Variants in UBE2J1 observed in about 807,000 individuals in gnomAD.
The protein encoded by UBE2J1 is ubiquitin-conjugating enzyme E2 J1.
In UBE2J1, 17 loss-of-function variants were observed where a neutral mutation model predicts 42.1. The observed-to-expected ratio is 0.40, with a 90% CI of 0.28 to 0.61. The LOEUF is 0.61. Ranked by LOEUF, UBE2J1 falls within the 20% of genes least tolerant of loss-of-function variation. The probability of loss-of-function intolerance (pLI) is 0.38; values close to 1 mark genes in which losing one functional copy is unlikely to be tolerated. For synonymous variants in UBE2J1, 127 were observed against 137.2 expected, an observed-to-expected ratio of 0.93 and a Z score of 0.52; for missense variants, 291 against 389.4, an observed-to-expected ratio of 0.75 and a Z score of 2.13.
At chr6:89,349,568 G>C (rs1768427753) in intron 1 of UBE2J1, among the ~76,000 whole-genome samples, 1 of 152,284 alleles carries the variant, frequency 6.6e-6, no homozygotes, top group South Asian at 2.1e-4. Context: ...TGAAATACTA[G>C]GGTAAACTGC....
chr6:89,339,465 AGAGGG>A (rs1768189012), intron 3 of UBE2J1, among the ~76,000 whole-genome samples: 2 of 8,114 alleles, frequency 2.5e-4, no homozygotes, highest in African/African-American at 6.0e-4. Context: ...GGAGGGGAGG[AGAGGG>A]GGGGAGGGGG....
chr6:89,348,975 C>T (rs1768413637), intron 1 of UBE2J1, among the ~76,000 whole-genome samples: 1 of 152,204 alleles, frequency 6.6e-6, no homozygotes, highest in African/African-American at 2.4e-5. Flanking sequence ...GTGGCTCTCA[C>T]CTGTAATCTC....
Position 89,328,084 on chromosome 6 carries a change from C to T in UBE2J1, c.*1595G>A, listed in dbSNP as rs551372913. 1 of 151,898 alleles carries T rather than the reference C, an allele frequency of 6.6e-6. No individual in the cohort carries two copies. The highest frequency in any genetic ancestry group is 2.4e-5 in the African/African-American group (1 of 41,318). The allele number at this position is 151,898 out of a possible 1,614,324, so 9.4% of individuals were successfully genotyped here. On this transcript the variant is annotated 3_prime_UTR_variant, in exon 8 of 8. Transcript: ENST00000435041. Reference sequence around the variant, plus strand: ...ATAATCTGTAAACACCTTTAAAATGCGAATTTATTAAAGTTTAAGACAATT... The same window carrying T: ...ATAATCTGTAAACACCTTTAAAATGTGAATTTATTAAAGTTTAAGACAATT...
In UBE2J1 at chr6:89,352,671, C is replaced by T. The variant is rs1768511664; in HGVS notation, c.-102G>A. 3 of 1,333,144 alleles carry T rather than the reference C, an allele frequency of 2.3e-6. No homozygotes were observed. The highest frequency in any genetic ancestry group is 3.1e-5 in the East Asian group (1 of 32,754). The allele number at this position is 1,333,144 out of a possible 1,614,324, so 82.6% of individuals were successfully genotyped here. A position where few individuals can be genotyped will look rare whatever the true frequency, so the allele number is the denominator to read the frequency against. ...CGCGGCTCGGGCGGACGGGGCCTGGCCGAGGAGCCTCGGCAAATGCCGCCC... is the reference window on the plus strand; with the variant it reads ...CGCGGCTCGGGCGGACGGGGCCTGGTCGAGGAGCCTCGGCAAATGCCGCCC... On this transcript the variant is annotated 5_prime_UTR_variant, in exon 1 of 8. Coordinates refer to ENST00000435041, the MANE Select transcript of UBE2J1 (RefSeq NM_016021.3).
In UBE2J1 at chr6:89,343,729, G is replaced by T; in HGVS notation, c.59C>A (p.Ala20Glu). 6.2e-7 allele frequency: 1 copy of T among 1,609,464 alleles called. No individual in the cohort carries two copies. The highest frequency in any genetic ancestry group is 8.5e-7 in the Non-Finnish European group (1 of 1,177,934). Reference protein sequence around the residue: ...PAVKRLMKEAAELKDPTDHYH... With the variant: ...PAVKRLMKEAEELKDPTDHYH... ...ATGATCTGTTGGATCTTTCAATTCTGCCGCTTCTTTCATTAAACGTTTAAC... is the reference window on the plus strand; with the variant it reads ...ATGATCTGTTGGATCTTTCAATTCTTCCGCTTCTTTCATTAAACGTTTAAC... The change falls in exon 2 of 8, where the codon GCA (alanine) becomes GAA (glutamate). Residue 20 changes from alanine (A) to glutamate (E), a missense_variant. Coordinates refer to ENST00000435041, the MANE Select transcript of UBE2J1 (RefSeq NM_016021.3).
In UBE2J1 at chr6:89,327,579, C is replaced by T. The variant is rs1452241821; in HGVS notation, c.*2100G>A. 1 of 152,210 alleles carries T rather than the reference C, an allele frequency of 6.6e-6. No homozygotes were observed. Among genetic ancestry groups the T allele is most frequent in the Non-Finnish European group, 1.5e-5 (1 of 68,074 alleles). 9.4% of individuals were successfully genotyped at this position (152,210 alleles called of 1,614,324 possible). A position where few individuals can be genotyped will look rare whatever the true frequency, so the allele number is the denominator to read the frequency against. ...GTGCTAAAAAATATCCCAACACAAA[C>T]AAGCAGGTGGCTAGCTGACAGGTGG... On this transcript the variant is annotated 3_prime_UTR_variant, in exon 8 of 8. Coordinates refer to ENST00000435041, the MANE Select transcript of UBE2J1 (RefSeq NM_016021.3).
At chr6:89,352,480 C>T in intron 1 of UBE2J1, 59 bp downstream of exon 1, 1 of 1,509,528 alleles carries the variant, frequency 6.6e-7, no homozygotes, top group Non-Finnish European at 8.9e-7. Flanking sequence ...GAGGCGGCGA[C>T]CACCCCGGGG....
intron 3 of UBE2J1, among the ~76,000 whole-genome samples, chr6:89,342,008 A>G (rs144295124): frequency 6.6e-6 from 1 of 152,302 alleles, no homozygotes; most frequent in Non-Finnish European, 1.5e-5. Flanking sequence ...ACAAGGTACA[A>G]TAACATTAGC....
At chr6:89,348,904 G>A (rs1038354408) in intron 1 of UBE2J1, among the ~76,000 whole-genome samples, 1 of 152,192 alleles carries the variant, frequency 6.6e-6, no homozygotes, top group Non-Finnish European at 1.5e-5. Flanking sequence ...AGTGAGAAAA[G>A]CTACTCCAGC....
At position 89,327,805 on chromosome 6, in the gene UBE2J1, A is replaced by C. The variant is rs1767936059; in HGVS notation, c.*1874T>G. 6.6e-6 allele frequency: 1 copy of C among 152,218 alleles called. No individual in the cohort carries two copies. Among genetic ancestry groups the C allele is most frequent in the Non-Finnish European group, 1.5e-5 (1 of 68,044 alleles). The allele number at this position is 152,218 out of a possible 1,614,324, so 9.4% of individuals were successfully genotyped here. On this transcript the variant is annotated 3_prime_UTR_variant, in exon 8 of 8. Coordinates refer to ENST00000435041, the MANE Select transcript of UBE2J1 (RefSeq NM_016021.3). ...ACGGAGGGAAGGCTGTTCCTAGCAC[A>C]CAATCTCAGCAGAGGTTGAGGTGGT...
rs1483201998 is a variant in UBE2J1 at position 89,328,021 on chromosome 6, T to G, written c.*1658A>C. 1 of 152,196 alleles carries G rather than the reference T, an allele frequency of 6.6e-6. No individual in the cohort carries two copies. Among genetic ancestry groups the G allele is most frequent in the East Asian group, 1.9e-4 (1 of 5,200 alleles). The allele number at this position is 152,196 out of a possible 1,614,324, so 9.4% of individuals were successfully genotyped here. On this transcript the variant is annotated 3_prime_UTR_variant, in exon 8 of 8. Coordinates refer to ENST00000435041, the MANE Select transcript of UBE2J1 (RefSeq NM_016021.3). ...TGAGATCTTCATAAAGTCCTTGAGC[T>G]TTTTAGACTTTAACAAATTCAGCTA...
Position 89,328,398 on chromosome 6 carries a change from T to C in UBE2J1, c.*1281A>G, listed in dbSNP as rs1014946615. The C allele has an allele frequency of 1.3e-5, 2 of 152,206 alleles. No homozygotes were observed. The highest frequency in any genetic ancestry group is 2.9e-5 in the Non-Finnish European group (2 of 68,040). 9.4% of individuals were successfully genotyped at this position (152,206 alleles called of 1,614,324 possible). ...GACCGATCTAGAACCTAAATACCAC[T>C]TCCAACATTGTTTGACTTGTAAAAA... On this transcript the variant is annotated 3_prime_UTR_variant, in exon 8 of 8. Transcript: ENST00000435041.
intron 7 of UBE2J1, among the ~76,000 whole-genome samples, chr6:89,331,697 A>G (rs1377516160): frequency 6.6e-6 from 1 of 152,232 alleles, no homozygotes; most frequent in Non-Finnish European, 1.5e-5. Context: ...TATAACTGGA[A>G]TATGTAACAA....
intron 1 of UBE2J1, among the ~76,000 whole-genome samples, chr6:89,344,109 C>T (rs987993944): frequency 1.3e-5 from 2 of 151,964 alleles, no homozygotes; most frequent in African/African-American, 4.8e-5. Flanking sequence ...ATTTTTATCC[C>T]CATTTTCCAG....
intron 3 of UBE2J1, 114 bp from the exon 4 acceptor site, chr6:89,338,657 GTTTTTTTTTTTTT>G (rs11300340): frequency 7.6e-5 from 8 of 105,470 alleles, no homozygotes; most frequent in Non-Finnish European, 1.0e-4. Flanking sequence ...TAAAAAGTTT[GTTTTTTTTTTTTT>G]TTTTTTTTTT....
intron 1 of UBE2J1, among the ~76,000 whole-genome samples, chr6:89,348,886 A>G (rs1768412359): frequency 6.6e-6 from 1 of 152,220 alleles, no homozygotes. Context: ...CAGGAACCAA[A>G]GCACCTAAGT....
chr6:89,351,234 A>G (rs1768472895), intron 1 of UBE2J1, among the ~76,000 whole-genome samples: 1 of 151,580 alleles, frequency 6.6e-6, no homozygotes, highest in South Asian at 2.1e-4. Context: ...GTGCGCCACC[A>G]CCATGCCCGG....
At chr6:89,344,002 C>G (rs977826712) in intron 1 of UBE2J1, among the ~76,000 whole-genome samples, 15 of 151,968 alleles carry the variant, frequency 9.9e-5, no homozygotes, top group African/African-American at 3.6e-4. Context: ...TTAATAAGTA[C>G]TTATATATAC....
chr6:89,347,911 A>G (rs1768392175), intron 1 of UBE2J1, among the ~76,000 whole-genome samples: 1 of 152,152 alleles, frequency 6.6e-6, no homozygotes, highest in Non-Finnish European at 1.5e-5. Context: ...CTGAGTCATT[A>G]AGGTTGAAAA....
Sources: allele counts gnomAD v4.1 joint callset (sites outside exome capture counted in the v4.1 genomes callset), GRCh38; gene constraint gnomAD v4.1.1; transcripts MANE v1.5; gene names NCBI Gene and HGNC (gene_info 2026-07-23, HGNC 2026-07-21).